Variants in ANKRD11 observed in about 807,000 individuals in gnomAD.
ANKRD11 encodes ankyrin repeat domain-containing protein 11.
Under a neutral mutation model 195.7 loss-of-function variants are expected in ANKRD11, and 17 were observed. The ratio of observed to expected loss-of-function variants is 0.09; its 90% CI spans 0.06 to 0.13. ANKRD11 has a LOEUF of 0.13. Among genes scored for constraint, ANKRD11 ranks in the 10% least tolerant of loss-of-function variants. The pLI is 1.00. For missense variants in ANKRD11, 3,735 were observed against 3,566.1 expected (o/e 1.05, Z -1.21); for synonymous variants, 1,953 against 1,528.1 (o/e 1.28, Z -6.49).
chr16:89,443,400 A>G (rs2043621031), intron 1 of ANKRD11: 1 of 152,144 alleles, frequency 6.6e-6, no homozygotes, highest in Non-Finnish European at 1.5e-5. Flanking sequence ...ATGACATGCA[A>G]ATTTGTGAAG....
intron 2 of ANKRD11, among the ~76,000 whole-genome samples, chr16:89,387,188 G>A (rs2040950578): frequency 6.6e-6 from 1 of 151,846 alleles, no homozygotes; most frequent in Non-Finnish European, 1.5e-5. Context: ...TAAGGACACT[G>A]CTCAGCAAGG....
intron 1 of ANKRD11, among the ~76,000 whole-genome samples, chr16:89,425,360 G>A (rs982217174): frequency 2.0e-5 from 3 of 152,134 alleles, no homozygotes; most frequent in Non-Finnish European, 4.4e-5. Context: ...TGGAAAACAT[G>A]GACATGAATC....
At chr16:89,323,874 C>T in intron 2 of ANKRD11, 1 of 219,648 alleles carries the variant, frequency 4.6e-6, no homozygotes, top group South Asian at 6.2e-5. Flanking sequence ...CCGTCTCACC[C>T]CATAAGCCAC....
At chr16:89,434,990 A>G (rs776672476) in intron 1 of ANKRD11, among the ~76,000 whole-genome samples, 2 of 152,194 alleles carry the variant, frequency 1.3e-5, no homozygotes, top group African/African-American at 4.8e-5. Context: ...GCCCAAGACC[A>G]ACTGATACAC....
intron 2 of ANKRD11, among the ~76,000 whole-genome samples, chr16:89,370,449 G>A (rs1257394763): frequency 6.6e-6 from 1 of 152,162 alleles, no homozygotes; most frequent in Non-Finnish European, 1.5e-5. Flanking sequence ...GGGCAAAGAT[G>A]GCAAATGGCT....
At chr16:89,487,258 C>A (rs945681250) in intron 1 of ANKRD11, among the ~76,000 whole-genome samples, 1 of 152,188 alleles carries the variant, frequency 6.6e-6, no homozygotes, top group African/African-American at 2.4e-5. Flanking sequence ...GAGACACTCA[C>A]CCATTACACT....
intron 2 of ANKRD11, chr16:89,324,848 C>A (rs1458726726): frequency 3.5e-6 from 1 of 285,870 alleles, no homozygotes; most frequent in South Asian, 3.2e-5. Flanking sequence ...AGCTTGCCAA[C>A]AGCCTATTGT....
At chr16:89,421,661 C>T (rs539275614) in intron 1 of ANKRD11, among the ~76,000 whole-genome samples, 1 of 115,552 alleles carries the variant, frequency 8.7e-6, no homozygotes, top group South Asian at 3.2e-4. Flanking sequence ...CACGAAGGGT[C>T]GGTGTGTGAT....
chr16:89,418,302 T>C lies in ANKRD11; in HGVS notation c.-78A>G, dbSNP rs1381543385. 1 of 454,062 alleles carries C rather than the reference T, an allele frequency of 2.2e-6. No homozygotes were observed. 28.1% of individuals were successfully genotyped at this position (454,062 alleles called of 1,614,324 possible). A position where few individuals can be genotyped will look rare whatever the true frequency, so the allele number is the denominator to read the frequency against. On this transcript the variant is annotated 5_prime_UTR_variant, in exon 2 of 13. Coordinates refer to ENST00000301030, the MANE Select transcript of ANKRD11 (RefSeq NM_013275.6). ...TATTTACCGATTCCATAGCTGAAAG[T>C]CAGTGCTGACGAGGACTGTCTTTTA...
intron 1 of ANKRD11, among the ~76,000 whole-genome samples, chr16:89,485,505 T>A (rs149639347): frequency 3.1e-4 from 47 of 152,060 alleles, no homozygotes; most frequent in African/African-American, 1.1e-3. Context: ...AAAACAAAAC[T>A]GTGAGGTTTC....
At chr16:89,321,932 C>T (rs1195107269) in intron 2 of ANKRD11, among the ~76,000 whole-genome samples, 6 of 152,292 alleles carry the variant, frequency 3.9e-5, no homozygotes, top group Middle Eastern at 3.4e-3. Context: ...CGTGGAGACC[C>T]GCTGCTGCTG....
chr16:89,357,120 G>GT (rs1310145505), intron 2 of ANKRD11, among the ~76,000 whole-genome samples: 1 of 152,244 alleles, frequency 6.6e-6, no homozygotes, highest in Non-Finnish European at 1.5e-5. Context: ...GAGGGACAGT[G>GT]TAAGGAAGGT....
intron 11 of ANKRD11, chr16:89,273,118 A>G (rs572555716): frequency 6.6e-6 from 1 of 152,268 alleles, no homozygotes; most frequent in South Asian, 2.1e-4. Flanking sequence ...ACTGTAGTCA[A>G]TAGTAACTGC....
In ANKRD11 at chr16:89,321,295, GGT is replaced by G. The variant is rs549460381; in HGVS notation, c.-59-4219_-59-4218del. On this transcript the variant is annotated intron_variant, in intron 2 of 12. Coordinates refer to ENST00000301030, the MANE Select transcript of ANKRD11 (RefSeq NM_013275.6). Reference sequence around the variant, plus strand: ...TCTTCAGCTGACAAGAGCAGGCACTGGTGGGGAATCCGGCGCTGCCTCTCCCC... The same window carrying G: ...TCTTCAGCTGACAAGAGCAGGCACTGGGGGAATCCGGCGCTGCCTCTCCCC... 309 of 152,522 alleles carry G rather than the reference GGT, an allele frequency of 2.0e-3. 2 individuals carry two copies. Among genetic ancestry groups the G allele is most frequent in the Middle Eastern group, 6.8e-3 (2 of 294 alleles). The allele number at this position is 152,522 out of a possible 1,614,324, so 9.4% of individuals were successfully genotyped here.
chr16:89,274,641 C>T, intron 11 of ANKRD11, 173 bp downstream of exon 11: 1 of 986,778 alleles, frequency 1.0e-6, no homozygotes, highest in South Asian at 1.4e-5. Flanking sequence ...GCCTTCTTGG[C>T]TCCTTTCTGA....
chr16:89,479,875 G>A (rs2057385134), intron 1 of ANKRD11, among the ~76,000 whole-genome samples: 1 of 149,656 alleles, frequency 6.7e-6, no homozygotes, highest in South Asian at 2.1e-4. Context: ...CCTGGGAGTC[G>A]GAGCTTGCAG....
intron 4 of ANKRD11, among the ~76,000 whole-genome samples, chr16:89,292,380 A>AG (rs2035119299): frequency 6.6e-6 from 1 of 152,282 alleles, no homozygotes; most frequent in Admixed American, 6.5e-5. Context: ...CTAGTCTCTC[A>AG]GCTCAGCTCC....
At chr16:89,376,353 C>T (rs559590596) in intron 2 of ANKRD11, among the ~76,000 whole-genome samples, 2 of 152,336 alleles carry the variant, frequency 1.3e-5, no homozygotes, top group African/African-American at 4.8e-5. Flanking sequence ...GGAGAAGCAG[C>T]TTCTGCCAAC....
At chr16:89,317,560 C>G (rs1489779401) in intron 2 of ANKRD11, among the ~76,000 whole-genome samples, 1 of 152,174 alleles carries the variant, frequency 6.6e-6, no homozygotes, top group Non-Finnish European at 1.5e-5. Context: ...TGGGAAGGAG[C>G]TCCTGTCCCC....
Sources: allele counts gnomAD v4.1 joint callset (sites outside exome capture counted in the v4.1 genomes callset), GRCh38; gene constraint gnomAD v4.1.1; transcripts MANE v1.5; gene names NCBI Gene and HGNC (gene_info 2026-07-23, HGNC 2026-07-21).